Variants in IGSF21 observed in about 807,000 individuals in gnomAD.
The protein encoded by IGSF21 is immunoglobin superfamily member 21.
Under a neutral mutation model 46.8 loss-of-function variants are expected in IGSF21, and 28 were observed. The ratio of observed to expected loss-of-function variants is 0.60; its 90% CI spans 0.44 to 0.82. The LOEUF is 0.82. IGSF21 is among the 40% of genes least tolerant of loss of function. IGSF21 has a pLI of 0.00. For synonymous variants in IGSF21, 284 were observed against 273.6 expected (o/e 1.04, Z -0.38); for missense variants, 624 against 665.5 (o/e 0.94, Z 0.69).
chr1:18,188,914 G>A (rs111575074), intron 1 of IGSF21, among the ~76,000 whole-genome samples: 30 of 152,338 alleles, frequency 2.0e-4, no homozygotes, highest in East Asian at 3.9e-4. Flanking sequence ...CCTGACTTGC[G>A]GTGCTAGGGC....
intron 3 of IGSF21, among the ~76,000 whole-genome samples, chr1:18,310,945 T>C (rs1321883877): frequency 6.6e-6 from 1 of 152,144 alleles, no homozygotes; most frequent in Non-Finnish European, 1.5e-5. Context: ...ATTTCCTTCT[T>C]AGAAAGACAC....
intron 3 of IGSF21, among the ~76,000 whole-genome samples, chr1:18,310,406 A>G (rs1227935591): frequency 6.6e-6 from 1 of 152,100 alleles, no homozygotes; most frequent in East Asian, 1.9e-4. Flanking sequence ...AGATTTCTCT[A>G]TGTGGTTGCT....
At chr1:18,350,497 C>T (rs576241804) in intron 4 of IGSF21, among the ~76,000 whole-genome samples, 2 of 152,284 alleles carry the variant, frequency 1.3e-5, no homozygotes, top group Non-Finnish European at 2.9e-5. Context: ...AAGATGCAAT[C>T]CAAGAGATAT....
chr1:18,257,866 C>G (rs1168314101), intron 2 of IGSF21, among the ~76,000 whole-genome samples: 3 of 152,178 alleles, frequency 2.0e-5, no homozygotes, highest in Non-Finnish European at 4.4e-5. Context: ...AAACTTCTCC[C>G]TCCCCCTCAT....
At chr1:18,151,529 G>C (rs1316302272) in intron 1 of IGSF21, among the ~76,000 whole-genome samples, 2 of 152,186 alleles carry the variant, frequency 1.3e-5, no homozygotes, top group East Asian at 3.9e-4. Flanking sequence ...ACATTCTAGT[G>C]GCCAGAGCAG....
intron 1 of IGSF21, among the ~76,000 whole-genome samples, chr1:18,178,356 G>A (rs919505162): frequency 2.0e-5 from 3 of 152,106 alleles, no homozygotes; most frequent in African/African-American, 7.2e-5. Context: ...AGGGAGACTC[G>A]GGTTTCAGCC....
intron 2 of IGSF21, among the ~76,000 whole-genome samples, chr1:18,244,234 C>T (rs569593257): frequency 2.6e-5 from 4 of 152,350 alleles, no homozygotes; most frequent in African/African-American, 9.6e-5. Flanking sequence ...ATGCATTGCC[C>T]CCGGTCGGGA....
chr1:18,127,088 T>C (rs2124412971), intron 1 of IGSF21, among the ~76,000 whole-genome samples: 1 of 152,362 alleles, frequency 6.6e-6, no homozygotes, highest in East Asian at 1.9e-4. Context: ...ATGGAACTCC[T>C]TGCTCTCAGC....
At chr1:18,284,212 C>T (rs992114783) in intron 2 of IGSF21, among the ~76,000 whole-genome samples, 1 of 152,176 alleles carries the variant, frequency 6.6e-6, no homozygotes, top group African/African-American at 2.4e-5. Context: ...ATCTTTGTGC[C>T]CAGCCTTGCA....
intron 2 of IGSF21, among the ~76,000 whole-genome samples, chr1:18,291,426 A>G (rs895762066): frequency 1.3e-5 from 2 of 152,102 alleles, no homozygotes; most frequent in Admixed American, 6.5e-5. Context: ...TAGCCAGAGG[A>G]GCTTGTAAAT....
intron 1 of IGSF21, among the ~76,000 whole-genome samples, chr1:18,181,808 T>C (rs372552574): frequency 3.9e-5 from 6 of 152,248 alleles, no homozygotes; most frequent in African/African-American, 1.4e-4. Flanking sequence ...TTTGGGTCAG[T>C]GTGAGGGCCT....
At chr1:18,324,300 C>T (rs223226) in intron 3 of IGSF21, among the ~76,000 whole-genome samples, 143,161 of 152,276 alleles carry the variant, frequency 0.94, 67,376 homozygotes, top group African/African-American at 0.98. Flanking sequence ...GTATTTCTGG[C>T]TCATTGAGAT....
chr1:18,132,704 T>C (rs2086332424), intron 1 of IGSF21, among the ~76,000 whole-genome samples: 1 of 152,068 alleles, frequency 6.6e-6, no homozygotes, highest in African/African-American at 2.4e-5. Context: ...CCCCACCCAA[T>C]CCATCCTGTG....
At chr1:18,356,729 T>C (rs2086022447) in intron 4 of IGSF21, among the ~76,000 whole-genome samples, 1 of 152,044 alleles carries the variant, frequency 6.6e-6, no homozygotes, top group Non-Finnish European at 1.5e-5. Flanking sequence ...AGAATGGAGA[T>C]GGTATTGGGG....
chr1:18,270,841 A>G lies in IGSF21; in HGVS notation c.184-21025A>G, dbSNP rs149653355. Among the ~76,000 whole-genome samples the G allele has an allele frequency of 2.1e-3, 320 of 152,010 alleles. 3 individuals are homozygous for G. Among genetic ancestry groups the G allele is most frequent in the African/African-American group, 7.1e-3 (295 of 41,480 alleles). The stretch of plus-strand genomic sequence containing the variant: ...AAGGCTGTCACTCACTCTCCTCCCT[A>G]CGAGCCAGCCGCATGTGCGATTTGA... On this transcript the variant is annotated intron_variant, in intron 2 of 9. Transcript: ENST00000251296.
At chr1:18,373,304 G>A (rs1363589648) in intron 6 of IGSF21, among the ~76,000 whole-genome samples, 3 of 152,276 alleles carry the variant, frequency 2.0e-5, no homozygotes, top group East Asian at 1.9e-4. Context: ...AGGAAAGTCC[G>A]GAGACTAAGA....
intron 3 of IGSF21, among the ~76,000 whole-genome samples, chr1:18,299,339 GT>G (rs1340688952): frequency 6.6e-6 from 1 of 152,206 alleles, no homozygotes; most frequent in Non-Finnish European, 1.5e-5. Flanking sequence ...GAGCAGAGGG[GT>G]TTGTTTCCCT....
rs542939969 is a variant in IGSF21, at chr1:18,378,296, C to T, written c.1374C>T (p.Leu458=). 4.5e-5 allele frequency: 73 copies of T among 1,613,984 alleles called. No individual in the cohort carries two copies. The highest frequency in any genetic ancestry group is 1.7e-4 in the Middle Eastern group (1 of 6,060). The change falls in exon 10 of 10, where the codon CTC becomes CTT. Residue 458 remains leucine, a synonymous_variant. Coordinates refer to ENST00000251296, the MANE Select transcript of IGSF21 (RefSeq NM_032880.5). ...CTGGTGCCCGGCTCACCTTGGTGCT[C>T]GCCCTGACAGTGATTCTGGAGCTGA... ...GPTGARLTLV[L]ALTVILELT
intron 1 of IGSF21, among the ~76,000 whole-genome samples, chr1:18,221,471 T>C (rs555711805): frequency 6.6e-6 from 1 of 152,160 alleles, no homozygotes; most frequent in East Asian, 1.9e-4. Flanking sequence ...ACACATCCCC[T>C]TGGAGCTGGG....
Sources: allele counts gnomAD v4.1 joint callset (sites outside exome capture counted in the v4.1 genomes callset), GRCh38; gene constraint gnomAD v4.1.1; transcripts MANE v1.5; gene names NCBI Gene and HGNC (gene_info 2026-07-23, HGNC 2026-07-21).